Variants in EXOC6B observed in about 807,000 individuals in gnomAD.
The protein encoded by EXOC6B is exocyst complex component 6B, also known as SEC15 homolog B.
Under a neutral mutation model 113.5 loss-of-function variants are expected in EXOC6B, and 54 were observed. That is an observed-to-expected ratio of 0.48 (90% CI 0.38 to 0.60). The LOEUF is 0.60. EXOC6B is among the 20% of genes least tolerant of loss of function. The pLI, the probability that EXOC6B is intolerant of heterozygous loss-of-function variation, is 0.00. For synonymous variants in EXOC6B, 357 were observed against 339.0 expected, an observed-to-expected ratio of 1.05 and a Z score of -0.58; for missense variants, 797 against 977.5, an observed-to-expected ratio of 0.82 and a Z score of 2.46.
chr2:72,537,802 G>A (rs1291861170), intron 8 of EXOC6B, among the ~76,000 whole-genome samples: 1 of 151,970 alleles, frequency 6.6e-6, no homozygotes, highest in African/African-American at 2.4e-5. Context: ...ACTCACCAAG[G>A]TTTTAAATTT....
intron 6 of EXOC6B, among the ~76,000 whole-genome samples, chr2:72,577,866 G>A (rs1157294664): frequency 6.6e-6 from 1 of 152,018 alleles, no homozygotes; most frequent in Non-Finnish European, 1.5e-5. Flanking sequence ...GGATGGAATA[G>A]AGGGAGAGGG....
chr2:72,319,586 C>T (rs1687730950), intron 20 of EXOC6B, among the ~76,000 whole-genome samples: 1 of 152,116 alleles, frequency 6.6e-6, no homozygotes, highest in Admixed American at 6.5e-5. Context: ...TTGTATATTT[C>T]TATATATTTG....
intron 6 of EXOC6B, among the ~76,000 whole-genome samples, chr2:72,693,913 A>T (rs1056341658): frequency 6.6e-6 from 1 of 152,014 alleles, no homozygotes; most frequent in African/African-American, 2.4e-5. Flanking sequence ...TTTCCTAAAA[A>T]AATATATCCA....
At chr2:72,437,911 C>T (rs552206330) in intron 18 of EXOC6B, among the ~76,000 whole-genome samples, 1 of 152,168 alleles carries the variant, frequency 6.6e-6, no homozygotes, top group South Asian at 2.1e-4. Context: ...TCCTAAAGAA[C>T]ATTTTTAGGA....
intron 11 of EXOC6B, among the ~76,000 whole-genome samples, chr2:72,507,487 T>C (rs1403883199): frequency 6.6e-6 from 1 of 152,100 alleles, no homozygotes; most frequent in Non-Finnish European, 1.5e-5. Flanking sequence ...ACCCTTATCA[T>C]AGTCAAACTT....
chr2:72,435,295 T>C (rs1465594545), intron 18 of EXOC6B, among the ~76,000 whole-genome samples: 4 of 152,228 alleles, frequency 2.6e-5, no homozygotes, highest in Non-Finnish European at 5.9e-5. Context: ...TTCCATTCTT[T>C]TGAATTTGCT....
intron 20 of EXOC6B, among the ~76,000 whole-genome samples, chr2:72,232,697 AAAT>A (rs2104472235): frequency 6.6e-6 from 1 of 152,364 alleles, no homozygotes; most frequent in Admixed American, 6.5e-5. Context: ...AAATCTATGT[AAAT>A]AATATCTTAA....
Position 72,496,570 on chromosome 2 carries a change from A to G in EXOC6B, c.1338-11T>C, listed in dbSNP as rs1288297404. 2 of 1,530,028 alleles carry G rather than the reference A, an allele frequency of 1.3e-6. No homozygotes were observed. Among genetic ancestry groups the G allele is most frequent in the Non-Finnish European group, 1.8e-6 (2 of 1,116,470 alleles). The allele number at this position is 1,530,028 out of a possible 1,614,324, so 94.8% of individuals were successfully genotyped here. On this transcript the variant is annotated splice_polypyrimidine_tract_variant and intron_variant, in intron 13 of 21. Coordinates refer to ENST00000272427, the MANE Select transcript of EXOC6B (RefSeq NM_015189.3). ...GAATCAAGTATGTTTCTATAAATGG[A>G]AGGATAGACAAAGGGAAGGGAAGGA...
intron 18 of EXOC6B, among the ~76,000 whole-genome samples, chr2:72,449,265 C>A (rs1473458179): frequency 1.3e-5 from 2 of 151,970 alleles, no homozygotes; most frequent in Non-Finnish European, 2.9e-5. Context: ...TCGCTGCAAG[C>A]TCTGCCTCCT....
At chr2:72,336,274 A>G (rs1688685788) in intron 19 of EXOC6B, among the ~76,000 whole-genome samples, 1 of 152,198 alleles carries the variant, frequency 6.6e-6, no homozygotes, top group Admixed American at 6.5e-5. Context: ...ATTTGCATAT[A>G]TGTCTAGAAA....
intron 6 of EXOC6B, among the ~76,000 whole-genome samples, chr2:72,633,826 CT>C (rs1672646100): frequency 6.6e-6 from 1 of 152,092 alleles, no homozygotes; most frequent in Non-Finnish European, 1.5e-5. Context: ...TAAAAATAAA[CT>C]TTAAACAAGT....
Position 72,544,601 on chromosome 2 carries a change from A to T in EXOC6B, c.915+14852T>A, listed in dbSNP as rs146311125. On this transcript the variant is annotated intron_variant, in intron 8 of 21. Coordinates refer to ENST00000272427, the MANE Select transcript of EXOC6B (RefSeq NM_015189.3). ...TCTCAGAATATACTTAAATATACTA[A>T]TATTAACTGTAAAAAGCCCAAGACA... Among the ~76,000 whole-genome samples the T allele has an allele frequency of 1.5e-3, 228 of 152,208 alleles. 1 individual carries two copies. Among genetic ancestry groups the T allele is most frequent in the African/African-American group, 4.8e-3 (201 of 41,550 alleles).
chr2:72,549,556 G>A (rs909985097), intron 8 of EXOC6B, among the ~76,000 whole-genome samples: 1 of 152,152 alleles, frequency 6.6e-6, no homozygotes, highest in African/African-American at 2.4e-5. Context: ...AAATGCAGAT[G>A]GGCAGGAGGG....
At position 72,487,276 on chromosome 2, in the gene EXOC6B, C is replaced by A. The variant is rs1558720881; in HGVS notation, c.1665+5042G>T. Among the ~76,000 whole-genome samples, 3 of 152,280 alleles carry A rather than the reference C, an allele frequency of 2.0e-5. No homozygotes were observed. In the South Asian group the frequency reaches 6.2e-4, roughly 32 times the overall value. On this transcript the variant is annotated intron_variant, in intron 16 of 21. Coordinates refer to ENST00000272427, the MANE Select transcript of EXOC6B (RefSeq NM_015189.3). ...GATACCACATTACATTTAGTTGTCACGTCTTCTTAGTCTCTGGTCTGTGAC... is the reference window on the plus strand; with the variant it reads ...GATACCACATTACATTTAGTTGTCAAGTCTTCTTAGTCTCTGGTCTGTGAC...
intron 7 of EXOC6B, among the ~76,000 whole-genome samples, chr2:72,570,551 CA>C (rs1353575789): frequency 2.0e-5 from 3 of 152,092 alleles, no homozygotes; most frequent in Non-Finnish European, 4.4e-5. Context: ...ATTTGGTCAA[CA>C]AATATTTATG....
Position 72,678,747 on chromosome 2 carries a change from A to C in EXOC6B, c.669+39356T>G, listed in dbSNP as rs141990299. ...GGAAATGGAGCAGACTGATAGCTAA[A>C]ACACACGCCACAACAGTCTGTTTAA... On this transcript the variant is annotated intron_variant, in intron 6 of 21. Transcript: ENST00000272427. 1.0e-3 allele frequency among the ~76,000 whole-genome samples: 158 copies of C among 152,306 alleles called. 3 individuals are homozygous for C. The highest frequency in any genetic ancestry group is 3.4e-3 in the Middle Eastern group (1 of 292).
chr2:72,551,218 T>C (rs898050058), intron 8 of EXOC6B, among the ~76,000 whole-genome samples: 2 of 151,810 alleles, frequency 1.3e-5, no homozygotes, highest in East Asian at 1.9e-4. Context: ...TATCATAAAA[T>C]CCGGAGTCTC....
intron 6 of EXOC6B, among the ~76,000 whole-genome samples, chr2:72,588,830 A>T (rs1028325246): frequency 2.0e-5 from 3 of 152,066 alleles, no homozygotes; most frequent in Non-Finnish European, 2.9e-5. Flanking sequence ...CACATAGAGG[A>T]CATTACAATT....
At chr2:72,371,137 G>A in intron 19 of EXOC6B, among the ~76,000 whole-genome samples, 1 of 151,680 alleles carries the variant, frequency 6.6e-6, no homozygotes, top group Non-Finnish European at 1.5e-5. Flanking sequence ...ACCAGGCAGA[G>A]TCATGAGGTC....
Sources: gnomAD v4.1 joint callset for allele counts (sites outside exome capture counted in the v4.1 genomes callset) on GRCh38, gnomAD v4.1.1 for gene constraint, MANE v1.5 for transcripts, NCBI Gene and HGNC (gene_info 2026-07-23, HGNC 2026-07-21) for gene names.